POC1A: variants seen among roughly 807,000 people sequenced by gnomAD.
POC1A encodes POC1 centriolar protein homolog A.
In POC1A, 34 loss-of-function variants were observed where a neutral mutation model predicts 47.8. The ratio of observed to expected loss-of-function variants is 0.71; its 90% CI spans 0.54 to 0.95. The LOEUF is 0.95. Among genes scored for constraint, POC1A ranks in the 40% least tolerant of loss-of-function variants. The pLI, the probability that POC1A is intolerant of heterozygous loss-of-function variation, is 0.00. For missense variants in POC1A, 466 were observed against 528.3 expected (o/e 0.88, Z 1.16); for synonymous variants, 177 against 207.6 (o/e 0.85, Z 1.27).
rs563502103 is a variant in POC1A, at chr3:52,104,201, G to T, written c.982-7489C>A. On this transcript the variant is annotated intron_variant, in intron 9 of 10. Transcript: ENST00000296484. ...CAATCTCAAAATAATTAGACTGAGTGAAAGAAACCAGACCAAAAAGAATAC... is the reference window on the plus strand; with the variant it reads ...CAATCTCAAAATAATTAGACTGAGTTAAAGAAACCAGACCAAAAAGAATAC... Among the ~76,000 whole-genome samples the T allele has an allele frequency of 2.6e-5, 4 of 152,258 alleles. No homozygotes were observed. The South Asian group carries it at 8.3e-4, about 32-fold the overall frequency.
At chr3:52,112,557 G>C (rs1304137589) in intron 9 of POC1A, among the ~76,000 whole-genome samples, 2 of 152,304 alleles carry the variant, frequency 1.3e-5, no homozygotes, top group East Asian at 3.9e-4. Flanking sequence ...CATGAGAATT[G>C]TTTGAACTCC....
Position 52,115,331 on chromosome 3 carries a change from G to A in POC1A, c.981+7048C>T, listed in dbSNP as rs146491434. On this transcript the variant is annotated intron_variant, in intron 9 of 10. Coordinates refer to ENST00000296484, the MANE Select transcript of POC1A (RefSeq NM_015426.5). ...GGTGCCAGGATTGGGGTCAAGTGGA[G>A]AAGGGAGAGGCTCTTCTCTAAGACA... Among the ~76,000 whole-genome samples the A allele has an allele frequency of 2.6e-5, 4 of 152,240 alleles. No individual in the cohort carries two copies. The East Asian group carries it at 7.7e-4, about 29-fold the overall frequency.
chr3:52,078,677 A>G (rs781728043), intron 10 of POC1A, among the ~76,000 whole-genome samples: 48 of 152,000 alleles, frequency 3.2e-4, no homozygotes, highest in Non-Finnish European at 6.5e-4. Context: ...CGCCCAGCTA[A>G]TATTTTTGTA....
At chr3:52,141,418 G>C (rs1041223427) in intron 6 of POC1A, among the ~76,000 whole-genome samples, 2 of 152,232 alleles carry the variant, frequency 1.3e-5, no homozygotes, top group Non-Finnish European at 2.9e-5. Context: ...TTTTCCCCAG[G>C]GTGGTCTCTT....
At chr3:52,108,430 T>C (rs1703263756) in intron 9 of POC1A, among the ~76,000 whole-genome samples, 1 of 152,160 alleles carries the variant, frequency 6.6e-6, no homozygotes. Context: ...GCGGTTTATT[T>C]ATAGATCCAC....
chr3:52,101,340 C>A (rs1394491558), intron 9 of POC1A, among the ~76,000 whole-genome samples: 1 of 151,838 alleles, frequency 6.6e-6, no homozygotes, highest in Admixed American at 6.6e-5. Flanking sequence ...CTTTACTGTC[C>A]TAAGCATGAT....
At chr3:52,141,429 G>T (rs1273882141) in intron 6 of POC1A, among the ~76,000 whole-genome samples, 1 of 152,220 alleles carries the variant, frequency 6.6e-6, no homozygotes, top group Non-Finnish European at 1.5e-5. Context: ...GTGGTCTCTT[G>T]CGATGCGCAA....
intron 7 of POC1A, among the ~76,000 whole-genome samples, chr3:52,130,046 CCTT>C (rs1704153084): frequency 1.3e-5 from 2 of 152,366 alleles, no homozygotes; most frequent in South Asian, 4.1e-4. Context: ...ATCCTCCTCA[CCTT>C]CTCCCGCCTG....
chr3:52,143,674 C>A (rs1201723745), intron 6 of POC1A, among the ~76,000 whole-genome samples: 1 of 152,206 alleles, frequency 6.6e-6, no homozygotes, highest in African/African-American at 2.4e-5. Flanking sequence ...CAACCCATCC[C>A]CCACTCTGAT....
chr3:52,107,082 G>A (rs1703211776), intron 9 of POC1A, among the ~76,000 whole-genome samples: 1 of 152,270 alleles, frequency 6.6e-6, no homozygotes, highest in Admixed American at 6.5e-5. Flanking sequence ...ATGAAGCAGG[G>A]AGGTGACGGC....
chr3:52,152,274 A>T (rs942818483), intron 1 of POC1A, among the ~76,000 whole-genome samples: 4 of 150,826 alleles, frequency 2.7e-5, no homozygotes, highest in Admixed American at 6.6e-5. Flanking sequence ...GACCCTGACT[A>T]AAAAAAAGTA....
intron 7 of POC1A, among the ~76,000 whole-genome samples, chr3:52,127,382 G>A (rs189053347): frequency 1.9e-3 from 286 of 150,376 alleles, no homozygotes; most frequent in African/African-American, 6.0e-3. Flanking sequence ...TCATTTTTCC[G>A]TTACTTTGAA....
intron 1 of POC1A, among the ~76,000 whole-genome samples, chr3:52,153,589 C>A (rs934524399): frequency 1.3e-5 from 2 of 152,236 alleles, no homozygotes; most frequent in Admixed American, 6.5e-5. Flanking sequence ...GCTCAGTGGG[C>A]AGAGGCAAGT....
rs755722209 is a variant in POC1A at position 52,154,346 on chromosome 3, T to C, written c.18+9A>G. On this transcript the variant is annotated intron_variant, in intron 1 of 10. Transcript: ENST00000296484. ...TGAGGCCTGGGGAGTTGCTCTCGGC[T>C]GGGCTTACCGCGCAGGGCGCAGCCA... 1 of 1,555,810 alleles carries C rather than the reference T, an allele frequency of 6.4e-7. No homozygotes were observed. Among genetic ancestry groups the C allele is most frequent in the African/African-American group, 1.4e-5 (1 of 70,850 alleles).
chr3:52,138,729 G>A (rs1202998755), intron 6 of POC1A, among the ~76,000 whole-genome samples: 1 of 152,202 alleles, frequency 6.6e-6, no homozygotes, highest in East Asian at 1.9e-4. Context: ...CAATGCCACT[G>A]CCACACAGGA....
At chr3:52,097,100 G>GCC (rs1216062083) in intron 9 of POC1A, among the ~76,000 whole-genome samples, 1 of 152,254 alleles carries the variant, frequency 6.6e-6, no homozygotes, top group African/African-American at 2.4e-5. Context: ...AGATGCTGAA[G>GCC]CCTGGCCTGG....
intron 10 of POC1A, among the ~76,000 whole-genome samples, chr3:52,095,548 A>C: frequency 6.7e-6 from 1 of 149,442 alleles, no homozygotes; most frequent in Non-Finnish European, 1.5e-5. Flanking sequence ...TGGCTTTAAC[A>C]CCTCTTTTCC....
chr3:52,146,969 A>T lies in POC1A; in HGVS notation c.563+19T>A. 2.5e-6 allele frequency: 4 copies of T among 1,594,344 alleles called. No individual in the cohort carries two copies. The highest frequency in any genetic ancestry group is 3.4e-6 in the Non-Finnish European group (4 of 1,162,008). On this transcript the variant is annotated intron_variant, in intron 5 of 10. Coordinates refer to ENST00000296484, the MANE Select transcript of POC1A (RefSeq NM_015426.5). Reference sequence around the variant, plus strand: ...GTGCTTGAGCGCCTACAGGTGGAGGACAGCATCTGGGGACTCACCCGCCAT... The same window carrying T: ...GTGCTTGAGCGCCTACAGGTGGAGGTCAGCATCTGGGGACTCACCCGCCAT...
At chr3:52,098,730 C>T (rs1322403570) in intron 9 of POC1A, among the ~76,000 whole-genome samples, 2 of 152,180 alleles carry the variant, frequency 1.3e-5, no homozygotes, top group African/African-American at 2.4e-5. Flanking sequence ...CTTGCCCACT[C>T]CCATCAGAAA....
Sources: allele counts gnomAD v4.1 joint callset (sites outside exome capture counted in the v4.1 genomes callset), GRCh38; gene constraint gnomAD v4.1.1; transcripts MANE v1.5; gene names NCBI Gene and HGNC (gene_info 2026-07-23, HGNC 2026-07-21).